Variants in MARCHF4 observed in about 807,000 individuals in gnomAD.
MARCHF4 encodes the protein E3 ubiquitin-protein ligase MARCHF4.
MARCHF4 carries 14 observed loss-of-function variants against 43.9 expected under a neutral mutation model. The observed-to-expected ratio is 0.32, with a 90% CI of 0.21 to 0.50. MARCHF4 has a LOEUF of 0.50. Ranked by LOEUF, MARCHF4 falls within the 20% of genes least tolerant of loss-of-function variation. The pLI is 0.98. For missense variants in MARCHF4, 468 were observed against 536.7 expected, an observed-to-expected ratio of 0.87 and a Z score of 1.27; for synonymous variants, 226 against 213.3, an observed-to-expected ratio of 1.06 and a Z score of -0.52.
chr2:216,327,486 T>G (rs1692014704), intron 1 of MARCHF4, among the ~76,000 whole-genome samples: 1 of 152,170 alleles, frequency 6.6e-6, no homozygotes, highest in Non-Finnish European at 1.5e-5. Flanking sequence ...TTTGCCACTT[T>G]CCTGCATCCT....
At chr2:216,321,889 G>A (rs1362702619) in intron 1 of MARCHF4, among the ~76,000 whole-genome samples, 1 of 152,204 alleles carries the variant, frequency 6.6e-6, no homozygotes, top group African/African-American at 2.4e-5. Flanking sequence ...CTTGCTTGAG[G>A]AGGAGAGCAT....
intron 1 of MARCHF4, among the ~76,000 whole-genome samples, chr2:216,368,896 T>C (rs973629777): frequency 6.6e-6 from 1 of 152,040 alleles, no homozygotes; most frequent in Non-Finnish European, 1.5e-5. Flanking sequence ...GGGAGGGGTG[T>C]CTGTGAAAAT....
chr2:216,313,371 A>G (rs912708095), intron 1 of MARCHF4, among the ~76,000 whole-genome samples: 4 of 152,198 alleles, frequency 2.6e-5, no homozygotes, highest in Non-Finnish European at 4.4e-5. Flanking sequence ...GAACATTTCT[A>G]GTTCATTAAA....
rs1361074539 is a variant in MARCHF4 at position 216,258,506 on chromosome 2, G to GA, written c.*805_*806insT. The stretch of plus-strand genomic sequence containing the variant: ...ACTGGAAATCTGTACTTTTCTCTAG[G>GA]GGTGTGTGTGTGTGTGTGTGTGTGT... On this transcript the variant is annotated 3_prime_UTR_variant, in exon 4 of 4. Transcript: ENST00000273067. The GA allele has an allele frequency of 5.0e-5, 6 of 120,400 alleles. No homozygotes were observed. The highest frequency in any genetic ancestry group is 4.9e-4 in the Admixed American group (5 of 10,208). 7.5% of individuals were successfully genotyped at this position (120,400 alleles called of 1,614,324 possible). A position where few individuals can be genotyped will look rare whatever the true frequency, so the allele number is the denominator to read the frequency against.
intron 1 of MARCHF4, among the ~76,000 whole-genome samples, chr2:216,299,230 G>A (rs933454067): frequency 6.6e-6 from 1 of 152,246 alleles, no homozygotes; most frequent in South Asian, 2.1e-4. Context: ...CTTGGAGGGG[G>A]GTCTCAGCCA....
chr2:216,316,566 G>A (rs1474495169), intron 1 of MARCHF4, among the ~76,000 whole-genome samples: 1 of 152,142 alleles, frequency 6.6e-6, no homozygotes, highest in African/African-American at 2.4e-5. Context: ...GGGGGCGGGA[G>A]AGGGGTGCGG....
chr2:216,334,161 C>T (rs1692122638), intron 1 of MARCHF4, among the ~76,000 whole-genome samples: 1 of 152,098 alleles, frequency 6.6e-6, no homozygotes, highest in South Asian at 2.1e-4. Context: ...TCTAATGACA[C>T]AGGCCCTTAA....
In MARCHF4 at chr2:216,259,101, T is replaced by C. The variant is rs559262170; in HGVS notation, c.*211A>G. 2 of 515,638 alleles carry C rather than the reference T, an allele frequency of 3.9e-6. No individual in the cohort carries two copies. The highest frequency in any genetic ancestry group is 3.6e-5 in the Admixed American group (1 of 27,458). The allele number at this position is 515,638 out of a possible 1,614,324, so 31.9% of individuals were successfully genotyped here. A position where few individuals can be genotyped will look rare whatever the true frequency, so the allele number is the denominator to read the frequency against. On this transcript the variant is annotated 3_prime_UTR_variant, in exon 4 of 4. Coordinates refer to ENST00000273067, the MANE Select transcript of MARCHF4 (RefSeq NM_020814.3). ...GTTGTTGAGTTGGTGTTGGTTTTCA[T>C]TGTTGTTGTGGAGAGTGGCATTGAC...
chr2:216,281,964 G>A (rs1031679134), intron 2 of MARCHF4, among the ~76,000 whole-genome samples: 1 of 152,128 alleles, frequency 6.6e-6, no homozygotes, highest in African/African-American at 2.4e-5. Flanking sequence ...AGCCAAGGGT[G>A]GAGCCAAGGA....
intron 1 of MARCHF4, among the ~76,000 whole-genome samples, chr2:216,298,256 GTTTTTTTTTTTTTTT>G (rs559410456): frequency 4.5e-5 from 3 of 66,766 alleles, no homozygotes; most frequent in Admixed American, 2.3e-4. Context: ...AGTCTTTTAG[GTTTTTTTTTTTTTTT>G]TTTTTTTTTT....
At chr2:216,330,438 T>A (rs1034520873) in intron 1 of MARCHF4, among the ~76,000 whole-genome samples, 9 of 152,172 alleles carry the variant, frequency 5.9e-5, no homozygotes, top group Non-Finnish European at 1.5e-5. Flanking sequence ...CACATCTCTC[T>A]TGATAACTGA....
chr2:216,353,244 G>T (rs1692427828), intron 1 of MARCHF4, among the ~76,000 whole-genome samples: 1 of 152,130 alleles, frequency 6.6e-6, no homozygotes, highest in Non-Finnish European at 1.5e-5. Context: ...ACTTACAGGG[G>T]TTAGCCCCAA....
chr2:216,309,345 AC>A (rs1691642957), intron 1 of MARCHF4, among the ~76,000 whole-genome samples: 1 of 152,218 alleles, frequency 6.6e-6, no homozygotes. Context: ...GAAATAGATT[AC>A]CATGGCAGCT....
intron 2 of MARCHF4, among the ~76,000 whole-genome samples, chr2:216,283,262 G>A (rs955663957): frequency 6.6e-6 from 1 of 150,420 alleles, no homozygotes; most frequent in Non-Finnish European, 1.5e-5. Flanking sequence ...TCTCCTTTCT[G>A]CATTCATTTA....
At chr2:216,293,069 T>C (rs1451897916) in intron 1 of MARCHF4, among the ~76,000 whole-genome samples, 1 of 152,218 alleles carries the variant, frequency 6.6e-6, no homozygotes, top group Non-Finnish European at 1.5e-5. Flanking sequence ...TCAAAGATCC[T>C]CTATGGCCCT....
chr2:216,311,861 T>C (rs983638043), intron 1 of MARCHF4, among the ~76,000 whole-genome samples: 2 of 152,198 alleles, frequency 1.3e-5, no homozygotes, highest in African/African-American at 4.8e-5. Flanking sequence ...TTAGGTATTA[T>C]AATTTTTATA....
chr2:216,343,186 T>C (rs1574483267), intron 1 of MARCHF4, among the ~76,000 whole-genome samples: 1 of 152,194 alleles, frequency 6.6e-6, no homozygotes, highest in Admixed American at 6.5e-5. Context: ...TAGTGGGGTA[T>C]CTGTCTTAGT....
At chr2:216,342,409 G>A (rs1692251609) in intron 1 of MARCHF4, among the ~76,000 whole-genome samples, 1 of 152,176 alleles carries the variant, frequency 6.6e-6, no homozygotes, top group African/African-American at 2.4e-5. Context: ...TGTCTCCAAG[G>A]AGGAGAGAAG....
chr2:216,292,438 T>G (rs748043528), intron 1 of MARCHF4, among the ~76,000 whole-genome samples: 8 of 152,128 alleles, frequency 5.3e-5, no homozygotes, highest in Non-Finnish European at 8.8e-5. Context: ...CCCATGTGTA[T>G]TAGTGTGGGG....
Sources: gnomAD v4.1 joint callset for allele counts (sites outside exome capture counted in the v4.1 genomes callset) on GRCh38, gnomAD v4.1.1 for gene constraint, MANE v1.5 for transcripts, NCBI Gene and HGNC (gene_info 2026-07-23, HGNC 2026-07-21) for gene names.